PKD1L1: variants seen among roughly 807,000 people sequenced by gnomAD.
PKD1L1 encodes polycystin-1-like protein 1.
In PKD1L1, 236 loss-of-function variants were observed where a neutral mutation model predicts 323.4. The observed-to-expected ratio is 0.73, with a 90% CI of 0.66 to 0.81. The LOEUF (loss-of-function observed/expected upper bound fraction) is 0.81. PKD1L1 is among the 40% of genes least tolerant of loss of function. The pLI is 0.00. For synonymous variants in PKD1L1, 1,344 were observed against 1,335.0 expected (o/e 1.01, Z -0.15); for missense variants, 3,320 against 3,508.0 (o/e 0.95, Z 1.35).
intron 46 of PKD1L1, 88 bp from the exon 47 acceptor site, chr7:47,815,545 T>C (rs1784998501): frequency 6.9e-7 from 1 of 1,451,602 alleles, no homozygotes; most frequent in Non-Finnish European, 9.4e-7. Context: ...CTTGCCAATT[T>C]TTCTCTCATT....
intron 56 of PKD1L1, among the ~76,000 whole-genome samples, chr7:47,775,385 G>A (rs1420493159): frequency 5.3e-5 from 8 of 152,108 alleles, no homozygotes; most frequent in Admixed American, 5.2e-4. Context: ...CATATTTTGG[G>A]CCATTAAAAC....
chr7:47,944,987 G>A (rs1357032926), intron 1 of PKD1L1, among the ~76,000 whole-genome samples: 1 of 152,178 alleles, frequency 6.6e-6, no homozygotes, highest in Non-Finnish European at 1.5e-5. Context: ...GGGAACCGTT[G>A]CCAAGTTCCC....
intron 40 of PKD1L1, 59 bp from the exon 41 acceptor site, chr7:47,833,311 C>T (rs1285772879): frequency 1.7e-5 from 27 of 1,556,054 alleles, no homozygotes; most frequent in Middle Eastern, 1.8e-4. Flanking sequence ...TCACACGTGA[C>T]GCTCAACAGT....
chr7:47,937,402 G>C (rs1476768695), intron 3 of PKD1L1, among the ~76,000 whole-genome samples: 4 of 152,184 alleles, frequency 2.6e-5, no homozygotes, highest in African/African-American at 9.7e-5. Flanking sequence ...AGGAGCAGCA[G>C]AAGTCTCGTG....
chr7:47,944,439 C>A (rs149832464), intron 1 of PKD1L1, among the ~76,000 whole-genome samples: 35 of 152,328 alleles, frequency 2.3e-4, no homozygotes, highest in African/African-American at 7.9e-4. Flanking sequence ...TCAGGTATTT[C>A]TTTATAGCAA....
intron 34 of PKD1L1, 87 bp downstream of exon 34, chr7:47,842,875 A>C: frequency 7.9e-7 from 1 of 1,272,242 alleles, no homozygotes. Context: ...CAGGTGACAG[A>C]CGGGGCAGCC....
At chr7:47,834,286 T>G in intron 40 of PKD1L1, 53 bp downstream of exon 40, 1 of 1,561,376 alleles carries the variant, frequency 6.4e-7, no homozygotes, top group South Asian at 1.1e-5. Context: ...AGAAATCTAA[T>G]TGTTTGCATT....
chr7:47,807,024 A>G (rs1784793411), intron 52 of PKD1L1, among the ~76,000 whole-genome samples: 2 of 151,708 alleles, frequency 1.3e-5, no homozygotes, highest in Non-Finnish European at 2.9e-5. Context: ...CACAGACGGG[A>G]CTCTGTCCAC....
chr7:47,915,376 A>G (rs769257942), intron 8 of PKD1L1, 56 bp downstream of exon 8: 2 of 776,622 alleles, frequency 2.6e-6, no homozygotes, highest in African/African-American at 1.7e-5. Flanking sequence ...AATTCCTGAC[A>G]AACAGCTTTA....
the PKD1L1 span, among the ~76,000 whole-genome samples, chr7:47,957,485 T>C: frequency 1.3e-5 from 2 of 152,120 alleles, no homozygotes; most frequent in African/African-American, 4.8e-5. Context: ...AGTTTCAGGA[T>C]ACAAAATCTA....
the PKD1L1 span, among the ~76,000 whole-genome samples, chr7:47,958,966 C>G: frequency 6.6e-6 from 1 of 152,230 alleles, no homozygotes; most frequent in Non-Finnish European, 1.5e-5. Context: ...CGATTGCAGG[C>G]GCGCGCCACC....
rs80150144 is a variant in PKD1L1, at chr7:47,832,320, G to A, written c.6337+770C>T. ...CGTGTCCAGTTTGTCTGGGAGGGTC[G>A]TCGGTCCTTGGGATGAGTTTCCCTT... On this transcript the variant is annotated intron_variant, in intron 41 of 56. Transcript: ENST00000289672. 6.4e-4 allele frequency among the ~76,000 whole-genome samples: 98 copies of A among 152,294 alleles called. No homozygotes were observed. The East Asian group carries it at 0.013, about 20-fold the overall frequency.
chr7:47,849,940 G>A (rs1785744034), intron 31 of PKD1L1, among the ~76,000 whole-genome samples: 1 of 152,182 alleles, frequency 6.6e-6, no homozygotes, highest in Admixed American at 6.5e-5. Context: ...AATATTTTAT[G>A]TTCTCACTTA....
At chr7:47,920,698 A>G (rs996363691) in intron 7 of PKD1L1, among the ~76,000 whole-genome samples, 1 of 152,246 alleles carries the variant, frequency 6.6e-6, no homozygotes, top group African/African-American at 2.4e-5. Flanking sequence ...ATAAGCACAC[A>G]GACCAATGGA....
chr7:47,956,717 C>T, the PKD1L1 span: 1 of 152,152 alleles, frequency 6.6e-6, no homozygotes. Context: ...GTGACTGACT[C>T]TAAAGAGGCA....
chr7:47,909,469 C>T (rs946970438), intron 8 of PKD1L1, among the ~76,000 whole-genome samples: 6 of 152,284 alleles, frequency 3.9e-5, no homozygotes, highest in East Asian at 1.9e-4. Context: ...CTGGCCAACT[C>T]GCACCTACCA....
intron 15 of PKD1L1, among the ~76,000 whole-genome samples, chr7:47,892,759 G>T (rs1398189997): frequency 4.6e-5 from 7 of 152,146 alleles, no homozygotes; most frequent in Non-Finnish European, 5.9e-5. Flanking sequence ...AGACAGGGCT[G>T]CAGGGGAGGA....
At chr7:47,811,190 G>A (rs1410953387) in intron 50 of PKD1L1, among the ~76,000 whole-genome samples, 2 of 140,028 alleles carry the variant, frequency 1.4e-5, no homozygotes, top group Admixed American at 7.7e-5. Flanking sequence ...GTCTTGCTCT[G>A]TTGCCCAGGC....
At chr7:47,818,030 T>C in intron 46 of PKD1L1, 1 of 1,365,736 alleles carries the variant, frequency 7.3e-7, no homozygotes, top group Non-Finnish European at 9.8e-7. Context: ...TTGCAGGTCT[T>C]TTATTGGGTG....
Sources: gnomAD v4.1 joint callset for allele counts (sites outside exome capture counted in the v4.1 genomes callset) on GRCh38, gnomAD v4.1.1 for gene constraint, MANE v1.5 for transcripts, NCBI Gene and HGNC (gene_info 2026-07-23, HGNC 2026-07-21) for gene names.